SLCO1A2: variants seen among roughly 807,000 people sequenced by gnomAD.
SLCO1A2 encodes OATP-1.
Under a neutral mutation model 69.0 loss-of-function variants are expected in SLCO1A2, and 67 were observed. That is an observed-to-expected ratio of 0.97 (90% CI 0.80 to 1.19). The LOEUF (loss-of-function observed/expected upper bound fraction) is 1.19, where lower values mean the gene tolerates loss of function less well. SLCO1A2 is among the 50% of genes most tolerant of loss of function. The pLI is 0.00. For missense variants in SLCO1A2, 787 were observed against 793.7 expected, an observed-to-expected ratio of 0.99 and a Z score of 0.10; for synonymous variants, 260 against 265.9, an observed-to-expected ratio of 0.98 and a Z score of 0.22.
rs1942107703 is a variant in SLCO1A2, at chr12:21,266,782, A to G, written c.*2766T>C. The G allele has an allele frequency of 6.6e-6, 1 of 152,086 alleles. No homozygotes were observed. The highest frequency in any genetic ancestry group is 2.4e-5 in the African/African-American group (1 of 41,412). 9.4% of individuals were successfully genotyped at this position (152,086 alleles called of 1,614,324 possible). The stretch of plus-strand genomic sequence containing the variant: ...ATCTGGCTCCACAAAGCAACATTTC[A>G]TTGCTTTGCAATAAAAAATTAATTA... On this transcript the variant is annotated 3_prime_UTR_variant, in exon 15 of 15. Coordinates refer to ENST00000683939, the MANE Select transcript of SLCO1A2 (RefSeq NM_001386879.1).
chr12:21,335,362 G>T (rs1047268721), upstream of SLCO1A2, among the ~76,000 whole-genome samples: 4 of 142,590 alleles, frequency 2.8e-5, no homozygotes, highest in African/African-American at 1.2e-4. Context: ...CATATAAATG[G>T]GTATCTATAT....
chr12:21,319,882 A>C (rs1951386369), intron 2 of SLCO1A2, among the ~76,000 whole-genome samples: 1 of 152,208 alleles, frequency 6.6e-6, no homozygotes, highest in African/African-American at 2.4e-5. Flanking sequence ...GTTAAAATTC[A>C]TATTTTAAAA....
chr12:21,374,439 T>G (rs555818698), exon 2 of SLCO1A2: 3 of 152,290 alleles, frequency 2.0e-5, no homozygotes, highest in African/African-American at 7.2e-5. Flanking sequence ...ATTCTTCTCA[T>G]TAGAATGATC....
chr12:21,403,197 C>G (rs772997844), intron 1 of SLCO1A2, among the ~76,000 whole-genome samples: 3 of 152,176 alleles, frequency 2.0e-5, no homozygotes, highest in Non-Finnish European at 4.4e-5. Context: ...AAATGTAAAT[C>G]TGTATCTGTG....
At chr12:21,276,696 A>C (rs895749146) in intron 12 of SLCO1A2, among the ~76,000 whole-genome samples, 2 of 152,140 alleles carry the variant, frequency 1.3e-5, no homozygotes, top group Non-Finnish European at 2.9e-5. Flanking sequence ...ATCCCCCAGC[A>C]GTGGCCACAT....
At position 21,306,980 on chromosome 12, in the gene SLCO1A2, T is replaced by G; in HGVS notation, c.344A>C (p.Tyr115Ser). Residue 115 changes from tyrosine (Y) to serine (S), a missense_variant, in exon 5 of 15, where the codon TAT (tyrosine) becomes TCT (serine). By Grantham distance (144) the Tyr-to-Ser change is moderately radical. Transcript: ENST00000683939. ...LPHFLMNQYEYESTVSVSGNL... is the reference protein window; with the variant it reads ...LPHFLMNQYESESTVSVSGNL... ...GCCTGAAACTGAAACTGTAGATTCATATTCATATCTGTATAAACACAGGGA... is the reference window on the plus strand; with the variant it reads ...GCCTGAAACTGAAACTGTAGATTCAGATTCATATCTGTATAAACACAGGGA... 6.2e-7 allele frequency: 1 copy of G among 1,604,422 alleles called. No individual in the cohort carries two copies. The highest frequency in any genetic ancestry group is 8.5e-7 in the Non-Finnish European group (1 of 1,171,228).
At chr12:21,386,438 G>C (rs532801212) in intron 1 of SLCO1A2, among the ~76,000 whole-genome samples, 135 of 152,224 alleles carry the variant, frequency 8.9e-4, no homozygotes, top group African/African-American at 3.2e-3. Flanking sequence ...GGAGGGGCCA[G>C]GTGGGAGGTA....
intron 1 of SLCO1A2, among the ~76,000 whole-genome samples, chr12:21,411,351 C>T (rs1260855064): frequency 1.3e-5 from 2 of 152,096 alleles, no homozygotes; most frequent in African/African-American, 4.8e-5. Context: ...TATAGATATG[C>T]TTCTTCCAGC....
intron 8 of SLCO1A2, among the ~76,000 whole-genome samples, chr12:21,299,952 A>G (rs1948458632): frequency 6.7e-6 from 1 of 149,094 alleles, no homozygotes. Flanking sequence ...TCTCTCATAT[A>G]TATATGTGTG....
Position 21,264,610 on chromosome 12 carries a change from T to TA in SLCO1A2, c.*4937dup, listed in dbSNP as rs919081801. ...ATGATTAAGCCAATGTAAACATTGT[T>TA]AAAAAATTTATTTGCAATTTTTTTT... On this transcript the variant is annotated 3_prime_UTR_variant, in exon 15 of 15. Coordinates refer to ENST00000683939, the MANE Select transcript of SLCO1A2 (RefSeq NM_001386879.1). The TA allele has an allele frequency of 6.6e-6, 1 of 152,190 alleles. No individual in the cohort carries two copies. The highest frequency in any genetic ancestry group is 1.9e-4 in the East Asian group (1 of 5,198). The allele number at this position is 152,190 out of a possible 1,614,324, so 9.4% of individuals were successfully genotyped here.
intron 2 of SLCO1A2, among the ~76,000 whole-genome samples, chr12:21,342,518 C>A (rs1259929435): frequency 6.6e-6 from 1 of 151,916 alleles, no homozygotes; most frequent in Admixed American, 6.6e-5. Flanking sequence ...ATAGTAAACT[C>A]CAATCTACAA....
intron 2 of SLCO1A2, among the ~76,000 whole-genome samples, chr12:21,372,050 GA>G (rs1183060746): frequency 2.0e-5 from 3 of 151,662 alleles, no homozygotes; most frequent in Non-Finnish European, 2.9e-5. Flanking sequence ...ACAAGAAAAA[GA>G]AAAAGCAATT....
chr12:21,297,909 T>G (rs1371519861), intron 8 of SLCO1A2, among the ~76,000 whole-genome samples: 7 of 152,190 alleles, frequency 4.6e-5, no homozygotes, highest in Admixed American at 3.9e-4. Context: ...GTTCTTCTAT[T>G]AATATATTCT....
chr12:21,350,214 T>G (rs143849585), intron 2 of SLCO1A2, among the ~76,000 whole-genome samples: 2 of 152,014 alleles, frequency 1.3e-5, no homozygotes, highest in Non-Finnish European at 2.9e-5. Flanking sequence ...TTAAGACTTA[T>G]GTATATAGTC....
chr12:21,353,857 T>C (rs1335978930), intron 2 of SLCO1A2, among the ~76,000 whole-genome samples: 1 of 152,202 alleles, frequency 6.6e-6, no homozygotes, highest in Non-Finnish European at 1.5e-5. Context: ...TTTCCCTAAT[T>C]TACCTTCCCT....
At chr12:21,337,137 TTAAC>T (rs1456226332), upstream of SLCO1A2, among the ~76,000 whole-genome samples, 11 of 152,168 alleles carry the variant, frequency 7.2e-5, no homozygotes, top group East Asian at 1.7e-3. Flanking sequence ...TACAGAATTG[TTAAC>T]TATATACACA....
chr12:21,374,960 C>G (rs1302816381), intron 1 of SLCO1A2, among the ~76,000 whole-genome samples: 2 of 151,942 alleles, frequency 1.3e-5, no homozygotes, highest in Non-Finnish European at 2.9e-5. Context: ...ACCACAGGCA[C>G]CTGCCACCAT....
chr12:21,364,271 A>G (rs542115818), intron 2 of SLCO1A2, among the ~76,000 whole-genome samples: 3 of 152,364 alleles, frequency 2.0e-5, no homozygotes, highest in Admixed American at 2.0e-4. Context: ...ATAATCCATC[A>G]TATAAACAGA....
intron 2 of SLCO1A2, among the ~76,000 whole-genome samples, chr12:21,323,427 T>C (rs1951886782): frequency 6.6e-6 from 1 of 151,998 alleles, no homozygotes. Flanking sequence ...TAGCCAGGTA[T>C]GGTGGTGCAT....
Sources: gnomAD v4.1 joint callset for allele counts (sites outside exome capture counted in the v4.1 genomes callset) on GRCh38, gnomAD v4.1.1 for gene constraint, MANE v1.5 for transcripts, NCBI Gene and HGNC (gene_info 2026-07-23, HGNC 2026-07-21) for gene names.